The following RYR2 variants were observed in gnomAD, a reference collection of about 807,000 sequenced individuals.
RYR2 encodes the protein cardiac muscle ryanodine receptor-calcium release channel.
RYR2 carries 227 observed loss-of-function variants against 601.1 expected under a neutral mutation model. That is an observed-to-expected ratio of 0.38 (90% CI 0.34 to 0.42). RYR2 has a LOEUF of 0.42. Ranked by LOEUF, RYR2 falls within the 10% of genes least tolerant of loss-of-function variation. The pLI, the probability that RYR2 is intolerant of heterozygous loss-of-function variation, is 1.00. For synonymous variants in RYR2, 2,223 were observed against 2,175.1 expected (o/e 1.02, Z -0.61); for missense variants, 4,646 against 6,156.5 (o/e 0.75, Z 8.21).
At chr1:237,718,420 G>A (rs1689437551) in intron 72 of RYR2, 42 bp from the exon 73 acceptor site, 1 of 993,872 alleles carries the variant, frequency 1.0e-6, no homozygotes, top group Non-Finnish European at 1.6e-6. Flanking sequence ...GACAGTTGAT[G>A]CAATAGAAGA....
At chr1:237,698,533 A>AAGAAAGC (rs1464724636) in intron 63 of RYR2, among the ~76,000 whole-genome samples, 1 of 152,312 alleles carries the variant, frequency 6.6e-6, no homozygotes, top group East Asian at 1.9e-4. Flanking sequence ...GGGATGAAAT[A>AAGAAAGC]AGAAAGCAGA....
intron 1 of RYR2, among the ~76,000 whole-genome samples, chr1:237,227,116 A>T (rs959812359): frequency 6.6e-6 from 1 of 152,110 alleles, no homozygotes; most frequent in Non-Finnish European, 1.5e-5. Flanking sequence ...GAGATCGAAA[A>T]ATGTTGGTCA....
At chr1:237,163,338 C>T (rs924926473) in intron 1 of RYR2, among the ~76,000 whole-genome samples, 12 of 86,488 alleles carry the variant, frequency 1.4e-4, no homozygotes, top group African/African-American at 3.7e-4. Flanking sequence ...AAAAGTACCG[C>T]CCACCCCCAA....
chr1:237,658,802 C>G (rs1002586066), intron 54 of RYR2, among the ~76,000 whole-genome samples: 19 of 152,190 alleles, frequency 1.2e-4, no homozygotes, highest in African/African-American at 4.6e-4. Context: ...TTCTTACTAC[C>G]AACTAGATCT....
At position 237,711,729 on chromosome 1, in the gene RYR2, CT is replaced by C. The variant is rs762973271; in HGVS notation, c.10231-13del. The C allele has an allele frequency of 5.5e-6, 8 of 1,444,092 alleles. No individual in the cohort carries two copies. Among genetic ancestry groups the C allele is most frequent in the Non-Finnish European group, 7.7e-6 (8 of 1,034,376 alleles). 89.5% of individuals were successfully genotyped at this position (1,444,092 alleles called of 1,614,324 possible). A position where few individuals can be genotyped will look rare whatever the true frequency, so the allele number is the denominator to read the frequency against. On this transcript the variant is annotated splice_polypyrimidine_tract_variant and intron_variant, in intron 70 of 104. Coordinates refer to ENST00000366574, the MANE Select transcript of RYR2 (RefSeq NM_001035.3). The stretch of plus-strand genomic sequence containing the variant: ...TTTAAGTGGTTTTAACTGAAATTTC[CT>C]TTGCAACTTCTCAGAATTTCAAAAG...
At chr1:237,701,528 C>CA (rs111464453) in intron 65 of RYR2, among the ~76,000 whole-genome samples, 18,818 of 143,646 alleles carry the variant, frequency 0.13, 2,701 homozygotes, top group African/African-American at 0.36. Context: ...GACTCTATCT[C>CA]AAAAAAAAAA....
intron 1 of RYR2, among the ~76,000 whole-genome samples, chr1:237,215,599 A>G (rs1185882318): frequency 6.6e-6 from 1 of 152,194 alleles, no homozygotes; most frequent in African/African-American, 2.4e-5. Context: ...TTCATATACA[A>G]ATAAAGAGAG....
At chr1:237,716,033 C>T (rs886188027) in intron 71 of RYR2, among the ~76,000 whole-genome samples, 3 of 152,034 alleles carry the variant, frequency 2.0e-5, no homozygotes, top group Non-Finnish European at 4.4e-5. Context: ...ATGCAATAAG[C>T]ATATCTTTTT....
chr1:237,731,911 C>CAT, intron 77 of RYR2, 135 bp from the exon 78 acceptor site: 1 of 606,066 alleles, frequency 1.6e-6, no homozygotes, highest in Non-Finnish European at 3.0e-6. Flanking sequence ...CACACACACA[C>CAT]ACACACACCC....
At chr1:237,726,568 T>C (rs1690215878) in intron 75 of RYR2, among the ~76,000 whole-genome samples, 1 of 152,162 alleles carries the variant, frequency 6.6e-6, no homozygotes, top group African/African-American at 2.4e-5. Flanking sequence ...TGTCTTCTTC[T>C]CTTTATCCTG....
At chr1:237,251,220 A>G (rs2149273282) in intron 1 of RYR2, among the ~76,000 whole-genome samples, 1 of 152,256 alleles carries the variant, frequency 6.6e-6, no homozygotes, top group Non-Finnish European at 1.5e-5. Context: ...GTCTTCAGCT[A>G]CTATACCATT....
intron 65 of RYR2, 104 bp from the exon 66 acceptor site, chr1:237,701,874 G>A: frequency 1.7e-6 from 1 of 600,654 alleles, no homozygotes; most frequent in South Asian, 2.4e-5. Context: ...TTTTATGGAT[G>A]AATAGTATAT....
rs760890029 is a variant in RYR2, at chr1:237,666,507, T to C, written c.8437-5T>C. 3 of 1,610,018 alleles carry C rather than the reference T, an allele frequency of 1.9e-6. No individual in the cohort carries two copies. The highest frequency in any genetic ancestry group is 1.7e-5 in the Admixed American group (1 of 59,526). On this transcript the variant is annotated splice_polypyrimidine_tract_variant and splice_region_variant and intron_variant, in intron 56 of 104. Coordinates refer to ENST00000366574, the MANE Select transcript of RYR2 (RefSeq NM_001035.3). ...AGGCACTGTTTTTTCACACAAATGATCTAGGTTTCTGTGGACGCTGCCCAT... is the reference window on the plus strand; with the variant it reads ...AGGCACTGTTTTTTCACACAAATGACCTAGGTTTCTGTGGACGCTGCCCAT...
intron 91 of RYR2, among the ~76,000 whole-genome samples, chr1:237,786,366 T>A (rs1241275630): frequency 6.6e-6 from 1 of 152,252 alleles, no homozygotes; most frequent in East Asian, 1.9e-4. Context: ...ATTCTGTCTT[T>A]AAAAATCACT....
chr1:237,474,296 T>TAGATACCTACACACAC (rs1558880621), intron 17 of RYR2, among the ~76,000 whole-genome samples: 1 of 49,708 alleles, frequency 2.0e-5, no homozygotes, highest in Admixed American at 2.6e-4. Context: ...TATATATATA[T>TAGATACCTACACACAC]ACACACACAC....
chr1:237,495,918 T>G (rs1227388441), intron 19 of RYR2, among the ~76,000 whole-genome samples: 1 of 152,146 alleles, frequency 6.6e-6, no homozygotes, highest in Non-Finnish European at 1.5e-5. Context: ...GAAGAGGAAT[T>G]AAGACAAAAT....
intron 1 of RYR2, among the ~76,000 whole-genome samples, chr1:237,190,576 GA>G (rs1313725071): frequency 6.6e-6 from 1 of 151,350 alleles, no homozygotes; most frequent in African/African-American, 2.4e-5. Flanking sequence ...AACTATTTGG[GA>G]AAAAAACCAA....
chr1:237,721,879 T>G (rs1230543482), intron 73 of RYR2, among the ~76,000 whole-genome samples: 1 of 152,194 alleles, frequency 6.6e-6, no homozygotes, highest in Non-Finnish European at 1.5e-5. Context: ...TGATATGTTC[T>G]ACCCCCATTA....
intron 1 of RYR2, among the ~76,000 whole-genome samples, chr1:237,142,595 C>A (rs1424714287): frequency 6.6e-6 from 1 of 152,180 alleles, no homozygotes; most frequent in Admixed American, 6.5e-5. Context: ...TCCTGCCACC[C>A]TGTGATGAGG....
Sources: gnomAD v4.1 joint callset for allele counts (sites outside exome capture counted in the v4.1 genomes callset) on GRCh38, gnomAD v4.1.1 for gene constraint, MANE v1.5 for transcripts, NCBI Gene and HGNC (gene_info 2026-07-23, HGNC 2026-07-21) for gene names.